The following DNAH5 variants were observed in gnomAD, a reference collection of about 807,000 sequenced individuals.
The protein encoded by DNAH5 is axonemal beta dynein heavy chain 5.
DNAH5 carries 372 observed loss-of-function variants against 518.2 expected under a neutral mutation model. That is an observed-to-expected ratio of 0.72 (90% CI 0.66 to 0.78). The LOEUF (loss-of-function observed/expected upper bound fraction) is 0.78. Among genes scored for constraint, DNAH5 ranks in the 30% least tolerant of loss-of-function variants. The pLI is 0.00. For missense variants in DNAH5, 5,523 were observed against 5,687.0 expected, an observed-to-expected ratio of 0.97 and a Z score of 0.93; for synonymous variants, 2,039 against 2,025.9, an observed-to-expected ratio of 1.01 and a Z score of -0.17.
rs1404013826 is a variant in DNAH5, at chr5:13,721,194, T to C, written c.12085A>G (p.Ile4029Val). The C allele has an allele frequency of 1.2e-6, 2 of 1,614,138 alleles. No homozygotes were observed. The highest frequency in any genetic ancestry group is 1.7e-6 in the Non-Finnish European group (2 of 1,179,998). The change falls in exon 71 of 79, where the codon ATT becomes GTT. Residue 4029 changes from isoleucine (I) to valine (V), a missense_variant. Coordinates refer to ENST00000265104, the MANE Select transcript of DNAH5 (RefSeq NM_001369.3). ...SMGEKYAEGV[I>V]LDLEKTWEES... ...TCCCACGTCTTCTCCAAGTCTAAAA[T>C]AACACCTTCGGCATATTTTTCTCCC... is the stretch of plus-strand genomic sequence containing the variant.
chr5:13,746,937 G>A (rs914862429), intron 65 of DNAH5, among the ~76,000 whole-genome samples: 13 of 151,710 alleles, frequency 8.6e-5, no homozygotes, highest in Admixed American at 3.3e-4. Flanking sequence ...TGTGCACAAC[G>A]TGCAGGTTTG....
At chr5:13,806,024 A>T (rs957865508) in intron 47 of DNAH5, among the ~76,000 whole-genome samples, 3 of 152,174 alleles carry the variant, frequency 2.0e-5, no homozygotes, top group African/African-American at 7.2e-5. Context: ...GTGGATCATT[A>T]GAAAATCACC....
In DNAH5 at chr5:13,806,240, C is replaced by T. The variant is rs540433603; in HGVS notation, c.7887+1351G>A. 1.1e-3 allele frequency among the ~76,000 whole-genome samples: 166 copies of T among 152,248 alleles called. 1 individual carries two copies. The highest frequency in any genetic ancestry group is 3.9e-3 in the African/African-American group (162 of 41,546). On this transcript the variant is annotated intron_variant, in intron 47 of 78. Transcript: ENST00000265104. ...GTAATTTAATGTGTCCTTTCCCAAA[C>T]ACGAAAATGCCACTGCTAAGTCACT...
chr5:13,887,035 A>T (rs903208729), intron 17 of DNAH5, among the ~76,000 whole-genome samples: 6 of 152,244 alleles, frequency 3.9e-5, no homozygotes, highest in Admixed American at 3.3e-4. Context: ...AACTCATTCC[A>T]TGTAAACTAA....
chr5:13,766,612 C>T (rs892843003), intron 58 of DNAH5, among the ~76,000 whole-genome samples: 4 of 152,166 alleles, frequency 2.6e-5, no homozygotes, highest in Admixed American at 1.3e-4. Context: ...AATTCAGGCT[C>T]GTCACTGTGG....
At chr5:13,900,546 G>T (rs1774467115) in intron 14 of DNAH5, 134 bp from the exon 15 acceptor site, 1 of 748,682 alleles carries the variant, frequency 1.3e-6, no homozygotes, top group Non-Finnish European at 2.3e-6. Context: ...AGGGCAATAA[G>T]ATCACTCACT....
intron 52 of DNAH5, among the ~76,000 whole-genome samples, chr5:13,784,623 T>C (rs141448161): frequency 3.6e-4 from 55 of 152,262 alleles, no homozygotes; most frequent in African/African-American, 1.3e-3. Flanking sequence ...CCCCCTCCGT[T>C]TGTAGATTCA....
In DNAH5 at chr5:13,780,849, G is replaced by A; in HGVS notation, c.8931C>T (p.Ser2977=). Residue 2977 remains serine (S), a synonymous_variant, in exon 53 of 79, where the codon TCC becomes TCT. Transcript: ENST00000265104. ...GTCACCTCGTCAGAGTGATCTGGAA[G>A]GAAACGTAGCCAGCAATGAATGAAG... ...RLASFIAGYV[S]FQITLTRSYN... 1 of 1,613,660 alleles carries A rather than the reference G, an allele frequency of 6.2e-7. No individual in the cohort carries two copies. Among genetic ancestry groups the A allele is most frequent in the Non-Finnish European group, 8.5e-7 (1 of 1,179,728 alleles).
intron 47 of DNAH5, among the ~76,000 whole-genome samples, chr5:13,802,806 C>A (rs909917876): frequency 6.6e-6 from 1 of 152,178 alleles, no homozygotes; most frequent in Non-Finnish European, 1.5e-5. Context: ...TCAGGAAAAA[C>A]GAACTAAACT....
chr5:13,842,361 C>T (rs1262767987), intron 32 of DNAH5, among the ~76,000 whole-genome samples: 3 of 148,922 alleles, frequency 2.0e-5, no homozygotes, highest in Non-Finnish European at 4.4e-5. Context: ...GGCTGGGCAA[C>T]AAGAGCGAGA....
chr5:13,865,147 G>A (rs991332182), intron 27 of DNAH5, among the ~76,000 whole-genome samples: 17 of 151,024 alleles, frequency 1.1e-4, no homozygotes, highest in Middle Eastern at 3.4e-3. Context: ...GGTACGTGCC[G>A]CCATGCCCAG....
intron 1 of DNAH5, among the ~76,000 whole-genome samples, chr5:14,002,362 T>C (rs944763452): frequency 2.0e-5 from 3 of 152,240 alleles, no homozygotes; most frequent in African/African-American, 7.2e-5. Flanking sequence ...CTGATGTTTT[T>C]ATGTTTTTTT....
At chr5:13,783,310 G>T (rs768768918) in intron 52 of DNAH5, among the ~76,000 whole-genome samples, 3 of 152,116 alleles carry the variant, frequency 2.0e-5, no homozygotes, top group Non-Finnish European at 4.4e-5. Context: ...GCTTATTTGG[G>T]GGACTTGATT....
In DNAH5 at chr5:13,788,811, A is replaced by G. The variant is rs1756491046; in HGVS notation, c.8552T>C (p.Val2851Ala). The change falls in exon 51 of 79, where the codon GTA becomes GCA. Residue 2851 changes from valine (V) to alanine (A), a missense_variant. This residue lies in a region of DNAH5 where 5,121 missense variants were observed against 5,223.3 expected (regional missense o/e 0.98). Coordinates refer to ENST00000265104, the MANE Select transcript of DNAH5 (RefSeq NM_001369.3). The part of the protein sequence containing the change: ...TWFDKALVSL[V>A]EEEFGEEKKL... ...TTTCTCTTCACCAAACTCCTCCTCT[A>G]CCAAACTTACTAAAGCCTTATCAAA... The G allele has an allele frequency of 6.2e-7, 1 of 1,614,086 alleles. No individual in the cohort carries two copies. The highest frequency in any genetic ancestry group is 8.5e-7 in the Non-Finnish European group (1 of 1,180,004).
intron 1 of DNAH5, among the ~76,000 whole-genome samples, chr5:13,991,714 C>T (rs1301669946): frequency 6.6e-6 from 1 of 151,900 alleles, no homozygotes; most frequent in African/African-American, 2.4e-5. Context: ...GAGGGGGAGC[C>T]CTTCATTTTC....
At chr5:13,979,556 C>T (rs893802045) in intron 1 of DNAH5, among the ~76,000 whole-genome samples, 7 of 152,148 alleles carry the variant, frequency 4.6e-5, no homozygotes, top group African/African-American at 1.4e-4. Context: ...CACCACCAGC[C>T]CCAGCAGCTC....
At chr5:13,696,355 A>AGT (rs975590919) in intron 78 of DNAH5, among the ~76,000 whole-genome samples, 24 of 152,202 alleles carry the variant, frequency 1.6e-4, no homozygotes, top group African/African-American at 4.6e-4. Context: ...GGATCTAGAC[A>AGT]GTGTGTGTGT....
intron 44 of DNAH5, chr5:13,810,480 C>T (rs1760478119): frequency 3.5e-6 from 2 of 568,748 alleles, no homozygotes; most frequent in East Asian, 3.1e-5. Context: ...GTGGCTCATG[C>T]CTGTACTCCC....
chr5:13,948,534 T>A (rs527941494), upstream of DNAH5, among the ~76,000 whole-genome samples: 3 of 152,202 alleles, frequency 2.0e-5, no homozygotes, highest in Admixed American at 2.0e-4. Context: ...AAGAATAAGA[T>A]TCAAATTAGT....
Sources: allele counts gnomAD v4.1 joint callset (sites outside exome capture counted in the v4.1 genomes callset), GRCh38; gene constraint gnomAD v4.1.1; regional missense constraint gnomAD v4.1.1; transcripts MANE v1.5; gene names NCBI Gene and HGNC (gene_info 2026-07-23, HGNC 2026-07-21).